Variants in ERG observed in about 807,000 individuals in gnomAD.
ERG encodes transcriptional regulator ERG.
Under a neutral mutation model 55.3 loss-of-function variants are expected in ERG, and 9 were observed. The observed-to-expected ratio is 0.16, with a 90% CI of 0.10 to 0.28. The LOEUF (loss-of-function observed/expected upper bound fraction) is 0.28. Among genes scored for constraint, ERG ranks in the 10% least tolerant of loss-of-function variants. ERG has a pLI of 1.00. For missense variants in ERG, 434 were observed against 631.6 expected (o/e 0.69, Z 3.35); for synonymous variants, 223 against 237.3 (o/e 0.94, Z 0.55).
chr21:38,551,752 T>C (rs540146696), intron 2 of ERG, among the ~76,000 whole-genome samples: 3 of 152,294 alleles, frequency 2.0e-5, no homozygotes, highest in Non-Finnish European at 2.9e-5. Flanking sequence ...AATTGTTTTA[T>C]AGCCAAGTGC....
intron 3 of ERG, among the ~76,000 whole-genome samples, chr21:38,414,091 C>T (rs994496311): frequency 6.6e-5 from 10 of 152,178 alleles, no homozygotes; most frequent in African/African-American, 1.2e-4. Context: ...TTGCTCCATC[C>T]GAGACTGTGG....
At chr21:38,584,530 G>C (rs1261748921) in intron 1 of ERG, among the ~76,000 whole-genome samples, 1 of 152,232 alleles carries the variant, frequency 6.6e-6, no homozygotes, top group African/African-American at 2.4e-5. Flanking sequence ...AGGGAGAAGA[G>C]AGTAGACAGT....
chr21:38,498,611 TTCTTGATGATATGCAGC>T, upstream of ERG: 1 of 835,640 alleles, frequency 1.2e-6, no homozygotes, highest in Non-Finnish European at 1.6e-6. This position sits in a 1 kb window ranked among gnomAD's most constrained non-coding sequence, Gnocchi z 4.6. Context: ...AATGTTGTTT[TTCTTGATGATATGCAGC>T]CAGGAGATTT....
chr21:38,395,675 T>C (rs1291166666), intron 6 of ERG: 2 of 174,938 alleles, frequency 1.1e-5, no homozygotes, highest in African/African-American at 2.4e-5. Flanking sequence ...AAAAACAGCA[T>C]GAAGCTACAA....
chr21:38,418,538 C>T (rs1437534165), intron 3 of ERG, among the ~76,000 whole-genome samples: 3 of 151,930 alleles, frequency 2.0e-5, no homozygotes, highest in African/African-American at 4.8e-5. Context: ...GCTGGGATTA[C>T]AGGTGTAAGC....
chr21:38,445,090 G>A (rs184142188), intron 2 of ERG, among the ~76,000 whole-genome samples: 4 of 151,452 alleles, frequency 2.6e-5, no homozygotes, highest in East Asian at 1.9e-4. Context: ...TTTTCCCAGC[G>A]CTGTCCAACG....
chr21:38,591,588 A>C (rs1300765651), intron 1 of ERG, among the ~76,000 whole-genome samples: 3 of 152,190 alleles, frequency 2.0e-5, no homozygotes, highest in Non-Finnish European at 4.4e-5. Context: ...GCTACTCAGA[A>C]GGCTGAGGCA....
intron 1 of ERG, among the ~76,000 whole-genome samples, chr21:38,494,742 A>T (rs1283784488): frequency 6.6e-6 from 1 of 152,352 alleles, no homozygotes; most frequent in South Asian, 2.1e-4. Context: ...TCATGGGGGA[A>T]GAAAAGCCCA....
At position 38,381,436 on chromosome 21, in the gene ERG, A is replaced by G. The variant is rs1029673078; in HGVS notation, c.*1967T>C. On this transcript the variant is annotated 3_prime_UTR_variant, in exon 10 of 10. Transcript: ENST00000288319. The stretch of plus-strand genomic sequence containing the variant: ...TTGTCTTCAAGGGATAGCCAGCAAC[A>G]TCAGGCTCAGGGCTAGTGAATCCCA... The G allele has an allele frequency of 1.9e-6, 2 of 1,062,994 alleles. No homozygotes were observed. The allele number at this position is 1,062,994 out of a possible 1,614,324, so 65.8% of individuals were successfully genotyped here.
At chr21:38,466,297 T>G (rs2059087985) in intron 1 of ERG, among the ~76,000 whole-genome samples, 1 of 61,984 alleles carries the variant, frequency 1.6e-5, no homozygotes, top group Non-Finnish European at 4.5e-5. Context: ...TCTGATGGTC[T>G]GGGGTGTGTG....
In ERG at chr21:38,382,611, C is replaced by T. The variant is rs1987500978; in HGVS notation, c.*792G>A. 1 of 1,066,232 alleles carries T rather than the reference C, an allele frequency of 9.4e-7. No individual in the cohort carries two copies. Among genetic ancestry groups the T allele is most frequent in the African/African-American group, 1.6e-5 (1 of 61,106 alleles). 66.0% of individuals were successfully genotyped at this position (1,066,232 alleles called of 1,614,324 possible). A position where few individuals can be genotyped will look rare whatever the true frequency, so the allele number is the denominator to read the frequency against. On this transcript the variant is annotated 3_prime_UTR_variant, in exon 10 of 10. Coordinates refer to ENST00000288319, the MANE Select transcript of ERG (RefSeq NM_182918.4). ...CTCCATAACTCATTGTACACAGTCC[C>T]CAAATGTCCTGAGTCCAGTCTTCAT...
At chr21:38,524,472 A>G (rs1037036067) in intron 2 of ERG, among the ~76,000 whole-genome samples, 1 of 152,196 alleles carries the variant, frequency 6.6e-6, no homozygotes, top group African/African-American at 2.4e-5. Context: ...CATAAAGCTA[A>G]ATTATCTATC....
At chr21:38,421,683 T>C (rs906220011) in intron 3 of ERG, among the ~76,000 whole-genome samples, 7 of 152,140 alleles carry the variant, frequency 4.6e-5, no homozygotes, top group Admixed American at 2.0e-4. Flanking sequence ...AAGGAGTAAC[T>C]TGTACAGTGC....
At chr21:38,392,317 T>C (rs1988009942) in intron 7 of ERG, 59 bp downstream of exon 7, 2 of 1,332,832 alleles carry the variant, frequency 1.5e-6, no homozygotes, top group African/African-American at 1.5e-5. Flanking sequence ...ATATACTCCA[T>C]CAACAGTCAT....
At chr21:38,623,319 CA>C (rs1240150959) in intron 1 of ERG, among the ~76,000 whole-genome samples, 2 of 98,664 alleles carry the variant, frequency 2.0e-5, no homozygotes, top group African/African-American at 7.5e-5. Context: ...ACCACATACG[CA>C]CCACACACAC....
intron 1 of ERG, among the ~76,000 whole-genome samples, chr21:38,620,985 G>A (rs1446981475): frequency 6.6e-6 from 1 of 152,246 alleles, no homozygotes; most frequent in Non-Finnish European, 1.5e-5. Flanking sequence ...TCAGTTTTCA[G>A]CATTTATTGA....
At chr21:38,562,251 A>G (rs2059897379) in intron 2 of ERG, among the ~76,000 whole-genome samples, 1 of 152,230 alleles carries the variant, frequency 6.6e-6, no homozygotes, top group Non-Finnish European at 1.5e-5. Flanking sequence ...ATATATAACT[A>G]AAACAAAATC....
At chr21:38,607,952 T>C (rs2060205798) in intron 1 of ERG, among the ~76,000 whole-genome samples, 1 of 151,956 alleles carries the variant, frequency 6.6e-6, no homozygotes, top group Non-Finnish European at 1.5e-5. Context: ...GTAAGAAGAG[T>C]CTAACCAGAC....
At chr21:38,507,394 G>T (rs1344387363) in intron 2 of ERG, among the ~76,000 whole-genome samples, 2 of 152,210 alleles carry the variant, frequency 1.3e-5, no homozygotes, top group Non-Finnish European at 1.5e-5. Context: ...TTGCAGGTTT[G>T]TTCAAAGAAG....
Sources: gnomAD v4.1 joint callset for allele counts (sites outside exome capture counted in the v4.1 genomes callset) on GRCh38, gnomAD v4.1.1 for gene constraint, Gnocchi (gnomAD v3.1) non-coding constraint, MANE v1.5 for transcripts, NCBI Gene and HGNC (gene_info 2026-07-23, HGNC 2026-07-21) for gene names.